Variants in SNTG2 observed in about 807,000 individuals in gnomAD.
The protein encoded by SNTG2 is syntrophin gamma 2.
SNTG2 carries 74 observed loss-of-function variants against 70.9 expected under a neutral mutation model. The ratio of observed to expected loss-of-function variants is 1.04; its 90% confidence interval spans 0.86 to 1.27. The LOEUF is 1.27. Ranked by LOEUF, SNTG2 falls within the 50% of genes most tolerant of loss-of-function variation. The probability of loss-of-function intolerance (pLI) is 0.00; values close to 1 mark genes in which losing one functional copy is unlikely to be tolerated. For missense variants in SNTG2, 717 were observed against 690.7 expected, an observed-to-expected ratio of 1.04 and a Z score of -0.43; for synonymous variants, 278 against 273.8, an observed-to-expected ratio of 1.02 and a Z score of -0.15.
chr2:1,330,163 A>G (rs1471851935), intron 16 of SNTG2, among the ~76,000 whole-genome samples: 1 of 152,220 alleles, frequency 6.6e-6, no homozygotes, highest in African/African-American at 2.4e-5. Flanking sequence ...CAGCTCAACA[A>G]TTCTCAGTGT....
intron 1 of SNTG2, among the ~76,000 whole-genome samples, chr2:1,020,315 C>T (rs1023975824): frequency 2.6e-5 from 4 of 152,244 alleles, no homozygotes; most frequent in African/African-American, 9.6e-5. Flanking sequence ...TTGGGCCCAG[C>T]TCCCCTGGCT....
chr2:1,167,576 A>G (rs1461496854), intron 7 of SNTG2, among the ~76,000 whole-genome samples: 4 of 133,732 alleles, frequency 3.0e-5, no homozygotes, highest in Admixed American at 2.9e-4. Flanking sequence ...CACAGACGGC[A>G]GAACTGAAGC....
At chr2:993,918 A>G (rs1661588970) in intron 1 of SNTG2, among the ~76,000 whole-genome samples, 1 of 152,162 alleles carries the variant, frequency 6.6e-6, no homozygotes, top group African/African-American at 2.4e-5. Flanking sequence ...TAGGATTTAC[A>G]AATATTTACT....
intron 4 of SNTG2, 49 bp downstream of exon 4, chr2:1,098,459 A>G (rs1309431218): frequency 7.8e-6 from 12 of 1,539,534 alleles, no homozygotes; most frequent in Non-Finnish European, 2.7e-6. Flanking sequence ...CATTTGTGAG[A>G]TAACAAATTA....
intron 11 of SNTG2, among the ~76,000 whole-genome samples, chr2:1,240,992 C>A (rs1677011368): frequency 6.6e-6 from 1 of 152,176 alleles, no homozygotes; most frequent in African/African-American, 2.4e-5. Context: ...AAGTACATAT[C>A]TCTCTATGGT....
intron 13 of SNTG2, among the ~76,000 whole-genome samples, chr2:1,261,802 G>A (rs12987330): frequency 0.21 from 32,259 of 151,930 alleles, 4,725 homozygotes; most frequent in African/African-American, 0.41. Flanking sequence ...CACCTAAGGA[G>A]CACTCTGTTT....
chr2:1,342,143 G>A (rs143068969), intron 16 of SNTG2, among the ~76,000 whole-genome samples: 88 of 152,324 alleles, frequency 5.8e-4, no homozygotes, highest in African/African-American at 2.1e-3. Context: ...AGCCTTCGTA[G>A]CAAGTCCTCT....
chr2:1,064,177 A>G (rs755276639), intron 1 of SNTG2, among the ~76,000 whole-genome samples: 1 of 148,356 alleles, frequency 6.7e-6, no homozygotes, highest in Non-Finnish European at 1.5e-5. Flanking sequence ...AGAATTCTGT[A>G]TCTGTGAAAG....
intron 16 of SNTG2, among the ~76,000 whole-genome samples, chr2:1,320,335 C>A (rs1186424748): frequency 6.6e-6 from 1 of 151,720 alleles, no homozygotes. Flanking sequence ...GAGATCGAGA[C>A]CATCCTGGCT....
intron 14 of SNTG2, among the ~76,000 whole-genome samples, chr2:1,279,872 C>T (rs1418704728): frequency 3.3e-5 from 5 of 152,224 alleles, no homozygotes; most frequent in African/African-American, 1.2e-4. Context: ...GATGCACATG[C>T]TGCCTTTTTA....
intron 9 of SNTG2, among the ~76,000 whole-genome samples, chr2:1,209,991 G>A (rs1424869940): frequency 2.0e-5 from 3 of 151,990 alleles, no homozygotes; most frequent in East Asian, 3.9e-4. Flanking sequence ...TGGTGTGTGC[G>A]GTCTGTATGA....
At chr2:1,209,937 T>G (rs1191802941) in intron 9 of SNTG2, among the ~76,000 whole-genome samples, 1 of 152,096 alleles carries the variant, frequency 6.6e-6, no homozygotes, top group East Asian at 1.9e-4. Flanking sequence ...TGTGTGAATG[T>G]GTGTGGCTAT....
At chr2:1,069,339 G>GAA (rs36036888) in intron 1 of SNTG2, among the ~76,000 whole-genome samples, 30 of 142,786 alleles carry the variant, frequency 2.1e-4, no homozygotes, top group Middle Eastern at 3.6e-3. Context: ...TTATATAAAT[G>GAA]AAAAAAAAAA....
chr2:1,203,182 A>C (rs373840395), intron 8 of SNTG2, among the ~76,000 whole-genome samples: 1 of 152,208 alleles, frequency 6.6e-6, no homozygotes, highest in Non-Finnish European at 1.5e-5. Flanking sequence ...TCTACTACTT[A>C]GGACTAAAAA....
chr2:1,264,391 G>A (rs1171519192), intron 13 of SNTG2, among the ~76,000 whole-genome samples: 1 of 152,224 alleles, frequency 6.6e-6, no homozygotes, highest in East Asian at 1.9e-4. Context: ...ATGGTAACGA[G>A]TGATCTCTCA....
chr2:1,088,449 T>G (rs1572400550), intron 2 of SNTG2, among the ~76,000 whole-genome samples: 1 of 152,310 alleles, frequency 6.6e-6, no homozygotes, highest in Non-Finnish European at 1.5e-5. Flanking sequence ...GCATGTGAGC[T>G]CTCATTAGTC....
At position 1,316,371 on chromosome 2, in the gene SNTG2, C is replaced by A. The variant is rs4927635; in HGVS notation, c.1484C>A (p.Thr495Lys). 1 of 1,508,454 alleles carries A rather than the reference C, an allele frequency of 6.6e-7. No individual in the cohort carries two copies. The highest frequency in any genetic ancestry group is 9.0e-7 in the Non-Finnish European group (1 of 1,108,322). The allele number at this position is 1,508,454 out of a possible 1,614,324, so 93.4% of individuals were successfully genotyped here. A position where few individuals can be genotyped will look rare whatever the true frequency, so the allele number is the denominator to read the frequency against. Reference protein sequence around the residue: ...FQNLDTKQIETKELEFQDLRA... With the variant: ...FQNLDTKQIEKKELEFQDLRA... ...AATCTGGACACCAAACAGATTGAGA[C>A]GAAGGTATGCGGCATGGGGCATGGG... is the stretch of plus-strand genomic sequence containing the variant. Residue 495 changes from threonine (T) to lysine (K), a missense_variant, in exon 16 of 17, where the codon ACG becomes AAG. By Grantham distance (78) the Thr-to-Lys change is moderately conservative (BLOSUM62 -1). Coordinates refer to ENST00000308624, the MANE Select transcript of SNTG2 (RefSeq NM_018968.4).
chr2:1,159,031 C>A (rs1217241638), intron 6 of SNTG2, among the ~76,000 whole-genome samples: 1 of 151,902 alleles, frequency 6.6e-6, no homozygotes, highest in African/African-American at 2.4e-5. Context: ...CATATGTGTG[C>A]ATGTGTGTGC....
intron 8 of SNTG2, among the ~76,000 whole-genome samples, chr2:1,208,046 G>C (rs149036044): frequency 6.6e-6 from 1 of 152,130 alleles, no homozygotes; most frequent in South Asian, 2.1e-4. Context: ...TTCTCACGGC[G>C]CCCCTGCTTA....
Sources: allele counts gnomAD v4.1 joint callset (sites outside exome capture counted in the v4.1 genomes callset), GRCh38; gene constraint gnomAD v4.1.1; transcripts MANE v1.5; gene names NCBI Gene and HGNC (gene_info 2026-07-23, HGNC 2026-07-21).